Variants in TMOD2 observed in about 807,000 individuals in gnomAD.
TMOD2 encodes tropomodulin 2, also known as tropomodulin-2.
Under a neutral mutation model 39.9 loss-of-function variants are expected in TMOD2, and 22 were observed. The observed-to-expected ratio is 0.55, with a 90% confidence interval of 0.39 to 0.79. The LOEUF is 0.79. Among genes scored for constraint, TMOD2 ranks in the 30% least tolerant of loss-of-function variants. The pLI is 0.00. For missense variants in TMOD2, 386 were observed against 413.3 expected (o/e 0.93, Z 0.57); for synonymous variants, 123 against 146.1 (o/e 0.84, Z 1.14).
chr15:51,778,485 A>G (rs2055905372), intron 5 of TMOD2, among the ~76,000 whole-genome samples: 3 of 146,344 alleles, frequency 2.0e-5, no homozygotes, highest in Non-Finnish European at 3.0e-5. Flanking sequence ...TTAAAGTATA[A>G]TAATAATAAA....
chr15:51,773,718 T>C lies in TMOD2; in HGVS notation c.290T>C (p.Val97Ala). The C allele has an allele frequency of 6.2e-7, 1 of 1,605,852 alleles. No individual in the cohort carries two copies. Among genetic ancestry groups the C allele is most frequent in the Non-Finnish European group, 8.5e-7 (1 of 1,177,652 alleles). ...VPFTGEKKGR[V>A]FIPKEKPIET... ...TTTTTCTTCTGATTTAAAGGGAGAG[T>C]CTTTATCCCTAAAGAAAAGCCTATA... is the stretch of plus-strand genomic sequence containing the variant. The change falls in exon 4 of 10, where the codon GTC (valine) becomes GCC (alanine). Residue 97 changes from valine to alanine, a missense_variant. Coordinates refer to ENST00000249700, the MANE Select transcript of TMOD2 (RefSeq NM_014548.4).
intron 7 of TMOD2, among the ~76,000 whole-genome samples, chr15:51,797,038 C>T (rs370044449): frequency 1.3e-5 from 2 of 152,230 alleles, no homozygotes; most frequent in African/African-American, 4.8e-5. Context: ...TTTCATCATA[C>T]CACTCAGAAC....
chr15:51,757,528 A>G (rs767035324), intron 1 of TMOD2, among the ~76,000 whole-genome samples: 1 of 151,440 alleles, frequency 6.6e-6, no homozygotes, highest in African/African-American at 2.4e-5. Flanking sequence ...CTTTAATCCT[A>G]TTTTCTGTTT....
At position 51,766,528 on chromosome 15, in the gene TMOD2, G is replaced by T. The variant is rs543803521; in HGVS notation, c.87G>T (p.Leu29=). ...TTGGCAAACTCTCAGAAGAGGAACTGAAACAGTTGGAAAATGTTCTAGATG... is the reference window on the plus strand; with the variant it reads ...TTGGCAAACTCTCAGAAGAGGAACTTAAACAGTTGGAAAATGTTCTAGATG... The part of the protein sequence containing the change: ...ELLGKLSEEE[L]KQLENVLDDL... Residue 29 remains leucine, a synonymous_variant, in exon 2 of 10, where the codon CTG becomes CTT. Coordinates refer to ENST00000249700, the MANE Select transcript of TMOD2 (RefSeq NM_014548.4). The T allele has an allele frequency of 5.0e-6, 8 of 1,613,994 alleles. No homozygotes were observed. Among genetic ancestry groups the T allele is most frequent in the Non-Finnish European group, 6.8e-6 (8 of 1,179,972 alleles).
intron 2 of TMOD2, among the ~76,000 whole-genome samples, chr15:51,767,686 A>G (rs1030238155): frequency 4.6e-5 from 7 of 152,248 alleles, no homozygotes; most frequent in African/African-American, 1.7e-4. Flanking sequence ...ATAAATAAAA[A>G]TATAACTAAA....
Position 51,806,401 on chromosome 15 carries a change from G to C in TMOD2, c.901G>C (p.Glu301Gln). 6.2e-7 allele frequency: 1 copy of C among 1,614,222 alleles called. No individual in the cohort carries two copies. The highest frequency in any genetic ancestry group is 8.5e-7 in the Non-Finnish European group (1 of 1,180,030). Residue 301 changes from glutamate to glutamine, a missense_variant, in exon 9 of 10, where the codon GAG becomes CAG. Physicochemically the swap from Glu to Gln is conservative, Grantham distance 29. Transcript: ENST00000249700. ...NQRQQLGTAV[E>Q]MEIAQMLEEN... ...GAGGCAGCAGTTGGGAACAGCTGTA[G>C]AGATGGAAATTGCCCAGATGCTGGA...
At chr15:51,777,598 C>A (rs1437482050) in intron 5 of TMOD2, among the ~76,000 whole-genome samples, 1 of 152,150 alleles carries the variant, frequency 6.6e-6, no homozygotes, top group Non-Finnish European at 1.5e-5. Context: ...CTTTTTTATT[C>A]ATTCATTCAT....
At chr15:51,805,017 G>A (rs2056112899) in intron 8 of TMOD2, among the ~76,000 whole-genome samples, 1 of 151,864 alleles carries the variant, frequency 6.6e-6, no homozygotes, top group Non-Finnish European at 1.5e-5. Context: ...GGAGTGCAGT[G>A]GCGCGATCTT....
rs1273453575 is a variant in TMOD2, at chr15:51,782,765, G to A, written c.669G>A (p.Glu223=). 1.2e-6 allele frequency: 2 copies of A among 1,613,920 alleles called. No homozygotes were observed. The highest frequency in any genetic ancestry group is 2.7e-5 in the African/African-American group (2 of 74,920). ...PTLREFAKAL[E]TNTHVKKFSL... is the part of the protein sequence containing the mutation. Reference sequence around the variant, plus strand: ...TGAGGGAATTTGCAAAGGCTCTGGAGACCAACACTCACGTGAAGAAGTTCA... The same window carrying A: ...TGAGGGAATTTGCAAAGGCTCTGGAAACCAACACTCACGTGAAGAAGTTCA... Residue 223 remains glutamate, a synonymous_variant, in exon 7 of 10, where the codon GAG becomes GAA. Transcript: ENST00000249700.
At chr15:51,786,944 T>C (rs2055974454) in intron 7 of TMOD2, among the ~76,000 whole-genome samples, 1 of 152,168 alleles carries the variant, frequency 6.6e-6, no homozygotes, top group Admixed American at 6.5e-5. Flanking sequence ...CATTTCCAAC[T>C]GAGGTATCTG....
At chr15:51,778,745 C>G (rs987257200) in intron 5 of TMOD2, among the ~76,000 whole-genome samples, 5 of 147,292 alleles carry the variant, frequency 3.4e-5, no homozygotes, top group African/African-American at 1.3e-4. Context: ...ACCTCCACCT[C>G]CTGGGTTCAA....
intron 7 of TMOD2, among the ~76,000 whole-genome samples, chr15:51,785,582 A>G (rs900218152): frequency 2.0e-5 from 3 of 152,104 alleles, no homozygotes; most frequent in Non-Finnish European, 4.4e-5. Flanking sequence ...AAAAAAATAA[A>G]TATAGCATGT....
intron 5 of TMOD2, among the ~76,000 whole-genome samples, chr15:51,779,192 A>G (rs1291377164): frequency 6.6e-6 from 1 of 152,158 alleles, no homozygotes; most frequent in Non-Finnish European, 1.5e-5. Context: ...CTTGTTATGC[A>G]TATGGATAAA....
intron 8 of TMOD2, among the ~76,000 whole-genome samples, chr15:51,801,991 G>A (rs1293284087): frequency 6.6e-6 from 1 of 150,694 alleles, no homozygotes; most frequent in Non-Finnish European, 1.5e-5. Context: ...TACATACTTA[G>A]ATAATTTAAG....
At chr15:51,761,982 C>T (rs1213772377) in intron 1 of TMOD2, among the ~76,000 whole-genome samples, 1 of 151,430 alleles carries the variant, frequency 6.6e-6, no homozygotes, top group African/African-American at 2.4e-5. Context: ...CCTGTCTCTA[C>T]TAAAAATACA....
intron 3 of TMOD2, among the ~76,000 whole-genome samples, chr15:51,771,806 A>G (rs1017753274): frequency 2.0e-5 from 3 of 152,188 alleles, no homozygotes; most frequent in Non-Finnish European, 2.9e-5. Flanking sequence ...GTTATTGATT[A>G]GTTGATTTCT....
chr15:51,799,789 G>A (rs1381757410), intron 8 of TMOD2, among the ~76,000 whole-genome samples: 1 of 152,110 alleles, frequency 6.6e-6, no homozygotes, highest in Non-Finnish European at 1.5e-5. Flanking sequence ...GATCACTCAG[G>A]GATATTTGTT....
chr15:51,757,374 C>G (rs1362953093), intron 1 of TMOD2, among the ~76,000 whole-genome samples: 2 of 144,310 alleles, frequency 1.4e-5, no homozygotes, highest in Admixed American at 1.4e-4. Flanking sequence ...TGCACTCCAG[C>G]CTGGGCGACA....
chr15:51,775,278 T>C (rs1170966888), intron 4 of TMOD2, among the ~76,000 whole-genome samples: 6 of 152,178 alleles, frequency 3.9e-5, no homozygotes, highest in African/African-American at 1.4e-4. Context: ...CAGAGTCTAG[T>C]TCCCAGCCCT....
Sources: allele counts gnomAD v4.1 joint callset (sites outside exome capture counted in the v4.1 genomes callset), GRCh38; gene constraint gnomAD v4.1.1; transcripts MANE v1.5; gene names NCBI Gene and HGNC (gene_info 2026-07-23, HGNC 2026-07-21).